Variants in MED12L observed in about 807,000 individuals in gnomAD.
MED12L encodes mediator complex subunit 12L.
MED12L carries 60 observed loss-of-function variants against 281.3 expected under a neutral mutation model. The observed-to-expected ratio is 0.21, with a 90% CI of 0.17 to 0.26. The LOEUF (loss-of-function observed/expected upper bound fraction) is 0.26. Ranked by LOEUF, MED12L falls within the 10% of genes least tolerant of loss-of-function variation. MED12L has a pLI of 1.00. For missense variants in MED12L, 2,146 were observed against 2,680.9 expected (o/e 0.80, Z 4.41); for synonymous variants, 974 against 987.2 (o/e 0.99, Z 0.25).
At chr3:151,182,937 A>G (rs1304539873) in intron 11 of MED12L, among the ~76,000 whole-genome samples, 1 of 152,180 alleles carries the variant, frequency 6.6e-6, no homozygotes, top group Non-Finnish European at 1.5e-5. Context: ...AAATGAGATC[A>G]TATGTATAAA....
chr3:151,395,969 CAA>C (rs1342893255), intron 39 of MED12L, among the ~76,000 whole-genome samples: 1 of 152,122 alleles, frequency 6.6e-6, no homozygotes, highest in Non-Finnish European at 1.5e-5. Context: ...ATTATAAGGA[CAA>C]GAGAGAAGAA....
chr3:151,367,898 T>G, intron 24 of MED12L, 132 bp downstream of exon 24: 2 of 1,073,092 alleles, frequency 1.9e-6, no homozygotes, highest in Non-Finnish European at 2.7e-6. Flanking sequence ...TCAAGGTAGA[T>G]ATGGTAGAAT....
At chr3:151,326,022 T>A (rs1485663719) in intron 16 of MED12L, among the ~76,000 whole-genome samples, 1 of 152,204 alleles carries the variant, frequency 6.6e-6, no homozygotes, top group African/African-American at 2.4e-5. Flanking sequence ...TTTGTTATAT[T>A]CACAGTTACA....
At chr3:151,413,354 C>A (rs1379325706) in intron 42 of MED12L, 59 bp downstream of exon 42, 7 of 1,531,484 alleles carry the variant, frequency 4.6e-6, no homozygotes, top group Non-Finnish European at 6.2e-6. Context: ...AAATATGCAA[C>A]AGTCATAAAA....
chr3:151,314,689 C>G (rs16863305), intron 16 of MED12L, among the ~76,000 whole-genome samples: 1 of 152,232 alleles, frequency 6.6e-6, no homozygotes, highest in East Asian at 1.9e-4. Flanking sequence ...TGGCTCTACC[C>G]CATTTCCTCT....
chr3:151,106,905 A>G (rs1314538185), intron 2 of MED12L, among the ~76,000 whole-genome samples: 2 of 152,166 alleles, frequency 1.3e-5, no homozygotes, highest in South Asian at 2.1e-4. Context: ...ATCTGTCTCT[A>G]TATTTAAAGT....
At chr3:151,343,699 G>A (rs1026035429) in intron 16 of MED12L, among the ~76,000 whole-genome samples, 11 of 152,130 alleles carry the variant, frequency 7.2e-5, no homozygotes, top group African/African-American at 2.7e-4. Context: ...TGGTTATTTT[G>A]TATAATTGAG....
chr3:151,398,677 G>C (rs1715283537), intron 39 of MED12L, among the ~76,000 whole-genome samples: 1 of 152,142 alleles, frequency 6.6e-6, no homozygotes, highest in African/African-American at 2.4e-5. Flanking sequence ...CAAGAAACCT[G>C]TTTTCATTCT....
intron 23 of MED12L, among the ~76,000 whole-genome samples, chr3:151,366,721 A>G (rs1259229066): frequency 6.6e-6 from 1 of 152,082 alleles, no homozygotes; most frequent in Non-Finnish European, 1.5e-5. Context: ...GCTAATCAGG[A>G]CTGGTTGGAT....
At chr3:151,088,015 A>G (rs1719512751) in intron 2 of MED12L, among the ~76,000 whole-genome samples, 1 of 152,150 alleles carries the variant, frequency 6.6e-6, no homozygotes, top group African/African-American at 2.4e-5. Flanking sequence ...CTGAGAATCT[A>G]AAAACCCTCC....
intron 16 of MED12L, among the ~76,000 whole-genome samples, chr3:151,304,389 C>T (rs1746357183): frequency 6.6e-6 from 1 of 152,132 alleles, no homozygotes. Flanking sequence ...GCGTGGCCAA[C>T]ATGGTGAAAC....
Position 151,413,304 on chromosome 3 carries a change from C to T in MED12L, c.6297+9C>T, listed in dbSNP as rs779699619. 2.5e-6 allele frequency: 4 copies of T among 1,612,926 alleles called. No individual in the cohort carries two copies. Among genetic ancestry groups the T allele is most frequent in the East Asian group, 4.5e-5 (2 of 44,856 alleles). ...AGCAGAGACTCCTCCAGGTACGGGG[C>T]AGGGAGATGAGGGCAATGCCATCAC... is the stretch of plus-strand genomic sequence containing the variant. On this transcript the variant is annotated intron_variant, in intron 42 of 44. Coordinates refer to ENST00000687756, the MANE Select transcript of MED12L (RefSeq NM_001393769.1).
chr3:151,327,131 T>TA (rs1371850904), intron 16 of MED12L: 1 of 152,114 alleles, frequency 6.6e-6, no homozygotes, highest in Non-Finnish European at 1.5e-5. Context: ...AGAATATAGC[T>TA]AACTAGAAAA....
chr3:151,246,018 C>A (rs1735372471), intron 16 of MED12L, among the ~76,000 whole-genome samples: 1 of 150,818 alleles, frequency 6.6e-6, no homozygotes, highest in East Asian at 2.0e-4. Context: ...CTCCCATTCA[C>A]AATTGCTTCA....
chr3:151,380,722 A>T (rs1712148630), intron 32 of MED12L, among the ~76,000 whole-genome samples: 1 of 152,198 alleles, frequency 6.6e-6, no homozygotes. Flanking sequence ...CTTTATATTA[A>T]TGAGATATAT....
chr3:151,183,669 A>G (rs16863227), intron 11 of MED12L, among the ~76,000 whole-genome samples: 9,253 of 152,336 alleles, frequency 0.061, 614 homozygotes, highest in East Asian at 0.18. Flanking sequence ...GTGTTGAGAC[A>G]TTACTGATCA....
intron 39 of MED12L, among the ~76,000 whole-genome samples, chr3:151,399,483 T>G (rs1715390683): frequency 1.3e-5 from 2 of 152,330 alleles, no homozygotes; most frequent in East Asian, 3.9e-4. Context: ...AACAAACTCA[T>G]AAAAAGGAAT....
At position 151,196,653 on chromosome 3, in the gene MED12L, A is replaced by G. The variant is rs548829273; in HGVS notation, c.2250+2987A>G. Among the ~76,000 whole-genome samples the G allele has an allele frequency of 2.6e-5, 4 of 152,334 alleles. No individual in the cohort carries two copies. In the South Asian group the frequency reaches 6.2e-4, roughly 24 times the overall value. ...GTGGATAGGCATTCTACAGCCTGCA[A>G]CTGAGGTAAGTCATTTACACTGTGT... On this transcript the variant is annotated intron_variant, in intron 16 of 44. Coordinates refer to ENST00000687756, the MANE Select transcript of MED12L (RefSeq NM_001393769.1).
intron 5 of MED12L, among the ~76,000 whole-genome samples, chr3:151,132,423 C>T (rs1023164781): frequency 6.6e-6 from 1 of 152,172 alleles, no homozygotes; most frequent in African/African-American, 2.4e-5. Context: ...GAAGGAGGCA[C>T]ACCAGTTATT....
Sources: gnomAD v4.1 joint callset for allele counts (sites outside exome capture counted in the v4.1 genomes callset) on GRCh38, gnomAD v4.1.1 for gene constraint, MANE v1.5 for transcripts, NCBI Gene and HGNC (gene_info 2026-07-23, HGNC 2026-07-21) for gene names.